KCNH1: variants seen among roughly 807,000 people sequenced by gnomAD.
KCNH1 encodes the protein voltage-gated delayed rectifier potassium channel KCNH1.
KCNH1 carries 27 observed loss-of-function variants against 69.2 expected under a neutral mutation model. That is an observed-to-expected ratio of 0.39 (90% confidence interval 0.29 to 0.54). KCNH1 has a LOEUF of 0.54. KCNH1 is among the 20% of genes least tolerant of loss of function. The probability of loss-of-function intolerance (pLI) is 0.68; values close to 1 mark genes in which losing one functional copy is unlikely to be tolerated. For missense variants in KCNH1, 798 were observed against 1,261.6 expected (o/e 0.63, Z 5.57); for synonymous variants, 456 against 487.7 (o/e 0.93, Z 0.86).
At chr1:211,029,334 TAAAAAAAAAAAAA>T (rs58241322) in intron 5 of KCNH1, among the ~76,000 whole-genome samples, 4 of 23,140 alleles carry the variant, frequency 1.7e-4, no homozygotes, top group Admixed American at 9.2e-4. Flanking sequence ...TCCTGTCACT[TAAAAAAAAAAAAA>T]AAAAAAAAAA....
intron 7 of KCNH1, among the ~76,000 whole-genome samples, chr1:210,852,811 G>A (rs1685736583): frequency 6.6e-6 from 1 of 152,184 alleles, no homozygotes; most frequent in Non-Finnish European, 1.5e-5. Context: ...AAGAAAAGAT[G>A]TTAGAATTTC....
intron 10 of KCNH1, among the ~76,000 whole-genome samples, chr1:210,732,027 G>T (rs1249086194): frequency 6.6e-6 from 1 of 152,036 alleles, no homozygotes; most frequent in Non-Finnish European, 1.5e-5. Flanking sequence ...GCAGGCCCCT[G>T]AGCATCTCAG....
At chr1:210,741,059 C>T (rs1289590828) in intron 10 of KCNH1, among the ~76,000 whole-genome samples, 2 of 152,136 alleles carry the variant, frequency 1.3e-5, no homozygotes, top group Non-Finnish European at 2.9e-5. Context: ...ATATCTTCCA[C>T]CTAGGGAGAC....
At chr1:210,859,913 T>C (rs1350440619) in intron 7 of KCNH1, 1 of 1,404,716 alleles carries the variant, frequency 7.1e-7, no homozygotes, top group Non-Finnish European at 1.0e-6. Flanking sequence ...CATTATAATG[T>C]AAAGCTGCAA....
chr1:210,881,550 T>C (rs910062471), intron 7 of KCNH1, among the ~76,000 whole-genome samples: 2 of 152,202 alleles, frequency 1.3e-5, no homozygotes, highest in South Asian at 4.1e-4. Flanking sequence ...CTCAAATGTA[T>C]TGGAAACTTA....
At chr1:210,728,297 G>C (rs1682657933) in intron 10 of KCNH1, among the ~76,000 whole-genome samples, 1 of 152,162 alleles carries the variant, frequency 6.6e-6, no homozygotes, top group Non-Finnish European at 1.5e-5. Context: ...ACATGAAAGA[G>C]ACTGTGAGTT....
intron 6 of KCNH1, among the ~76,000 whole-genome samples, chr1:210,961,533 C>G (rs535592923): frequency 6.6e-6 from 1 of 151,816 alleles, no homozygotes. Flanking sequence ...CTCTTGTTTC[C>G]TGAATATACA....
intron 1 of KCNH1, among the ~76,000 whole-genome samples, chr1:211,127,953 A>C (rs1246605972): frequency 6.6e-6 from 1 of 152,178 alleles, no homozygotes; most frequent in Non-Finnish European, 1.5e-5. Flanking sequence ...GATCGGACAC[A>C]ATGTGTGGTA....
chr1:211,092,168 A>G (rs747092808), intron 3 of KCNH1, among the ~76,000 whole-genome samples: 2 of 152,200 alleles, frequency 1.3e-5, no homozygotes, highest in Non-Finnish European at 2.9e-5. Context: ...TGTGAGATAG[A>G]GAGCAGAAAA....
At chr1:210,984,209 T>G (rs372990276) in intron 6 of KCNH1, among the ~76,000 whole-genome samples, 1 of 152,202 alleles carries the variant, frequency 6.6e-6, no homozygotes, top group Non-Finnish European at 1.5e-5. Flanking sequence ...TACAATCATG[T>G]CATCTGCAAA....
chr1:210,711,120 T>C (rs1392914843), intron 10 of KCNH1, among the ~76,000 whole-genome samples: 2 of 152,128 alleles, frequency 1.3e-5, no homozygotes, highest in Non-Finnish European at 2.9e-5. Context: ...GCCCATGAAA[T>C]TCACCCTTAG....
At chr1:210,910,065 G>C (rs949791171) in intron 7 of KCNH1, among the ~76,000 whole-genome samples, 3 of 151,638 alleles carry the variant, frequency 2.0e-5, no homozygotes, top group African/African-American at 7.3e-5. Flanking sequence ...ATGGTAAACA[G>C]TCAGAGGTGG....
intron 10 of KCNH1, among the ~76,000 whole-genome samples, chr1:210,748,957 C>T (rs576755056): frequency 8.5e-5 from 13 of 152,314 alleles, no homozygotes; most frequent in African/African-American, 3.1e-4. Context: ...TGGCTGTTTC[C>T]TGTTCACAGA....
chr1:210,846,408 C>G (rs539184702), intron 7 of KCNH1, among the ~76,000 whole-genome samples: 5 of 152,126 alleles, frequency 3.3e-5, no homozygotes, highest in Admixed American at 2.6e-4. Context: ...CAGAACAGAG[C>G]CCTCAGAAAT....
At chr1:210,890,361 A>G (rs1454509665) in intron 7 of KCNH1, among the ~76,000 whole-genome samples, 3 of 152,142 alleles carry the variant, frequency 2.0e-5, no homozygotes, top group South Asian at 4.1e-4. Context: ...CTGAAACTGG[A>G]CCCCTTCCTT....
intron 6 of KCNH1, among the ~76,000 whole-genome samples, chr1:210,938,246 C>T (rs573756121): frequency 6.6e-6 from 1 of 152,212 alleles, no homozygotes; most frequent in South Asian, 2.1e-4. Context: ...TATTGGTATT[C>T]CAATAGGTAA....
chr1:211,005,403 C>T (rs988874089), intron 6 of KCNH1, among the ~76,000 whole-genome samples: 3 of 151,906 alleles, frequency 2.0e-5, no homozygotes, highest in Non-Finnish European at 2.9e-5. Flanking sequence ...GATATTGGTG[C>T]GGTAATATAC....
intron 7 of KCNH1, among the ~76,000 whole-genome samples, chr1:210,895,477 TCTC>T (rs1686846461): frequency 6.6e-6 from 1 of 152,180 alleles, no homozygotes; most frequent in Admixed American, 6.6e-5. Flanking sequence ...ATCTTGGCCC[TCTC>T]CTCTGGTTTA....
chr1:210,825,921 G>A (rs1206447310), intron 7 of KCNH1, among the ~76,000 whole-genome samples: 1 of 152,178 alleles, frequency 6.6e-6, no homozygotes, highest in African/African-American at 2.4e-5. Flanking sequence ...TATAGTAGGA[G>A]TATTCTGTGT....
Sources: gnomAD v4.1 joint callset for allele counts (sites outside exome capture counted in the v4.1 genomes callset) on GRCh38, gnomAD v4.1.1 for gene constraint, MANE v1.5 for transcripts, NCBI Gene and HGNC (gene_info 2026-07-23, HGNC 2026-07-21) for gene names.